The following ENPP1 variants were observed in gnomAD, a reference collection of about 807,000 sequenced individuals.
The protein encoded by ENPP1 is ectonucleotide pyrophosphatase/phosphodiesterase 1, also known as ectonucleotide pyrophosphatase/phosphodiesterase family member 1.
In ENPP1, 73 loss-of-function variants were observed where a neutral mutation model predicts 122.8. That is an observed-to-expected ratio of 0.59 (90% CI 0.49 to 0.72). The LOEUF is 0.72. Among genes scored for constraint, ENPP1 ranks in the 30% least tolerant of loss-of-function variants. The pLI is 0.00. For missense variants in ENPP1, 978 were observed against 1,128.1 expected, an observed-to-expected ratio of 0.87 and a Z score of 1.91; for synonymous variants, 367 against 391.6, an observed-to-expected ratio of 0.94 and a Z score of 0.74.
At chr6:131,883,939 A>G (rs990229309) in intron 22 of ENPP1, among the ~76,000 whole-genome samples, 165 bp downstream of exon 22, 3 of 152,216 alleles carry the variant, frequency 2.0e-5, no homozygotes, top group Non-Finnish European at 2.9e-5. Flanking sequence ...TCTACAAATT[A>G]TTAGAATTAT....
chr6:131,889,967 A>C lies in ENPP1; in HGVS notation c.2608-374A>C, dbSNP rs190822279. Among the ~76,000 whole-genome samples the C allele has an allele frequency of 1.1e-3, 160 of 150,002 alleles. 1 individual carries two copies. Among genetic ancestry groups the C allele is most frequent in the African/African-American group, 3.4e-3 (141 of 41,416 alleles). On this transcript the variant is annotated intron_variant, in intron 24 of 24. Transcript: ENST00000647893. ...ACTAGCTAGCGTCTGTTGTTTTTTGACTTTTTAATAATAGGCATTCTGAGT... is the reference window on the plus strand; with the variant it reads ...ACTAGCTAGCGTCTGTTGTTTTTTGCCTTTTTAATAATAGGCATTCTGAGT...
At chr6:131,821,282 G>T (rs1490996183) in intron 1 of ENPP1, among the ~76,000 whole-genome samples, 1 of 152,180 alleles carries the variant, frequency 6.6e-6, no homozygotes, top group South Asian at 2.1e-4. Context: ...ACCACATCTG[G>T]AATTTCTGTA....
chr6:131,831,114 C>CAATA (rs1781604940), intron 1 of ENPP1, among the ~76,000 whole-genome samples: 2 of 60,018 alleles, frequency 3.3e-5, no homozygotes, highest in African/African-American at 1.3e-4. Context: ...GCCCATCTCT[C>CAATA]AAAAAAAAAA....
intron 9 of ENPP1, 107 bp from the exon 10 acceptor site, chr6:131,864,399 C>G: frequency 1.4e-6 from 1 of 732,836 alleles, no homozygotes; most frequent in South Asian, 1.6e-5. Flanking sequence ...ACAATAGATG[C>G]GAAATAGCAT....
intron 11 of ENPP1, among the ~76,000 whole-genome samples, chr6:131,866,361 A>G (rs59610382): frequency 0.048 from 7,333 of 152,296 alleles, 265 homozygotes; most frequent in African/African-American, 0.1. Flanking sequence ...CGTTCAGACT[A>G]AAGCCTGGCC....
chr6:131,878,437 A>G, intron 18 of ENPP1, 105 bp from the exon 19 acceptor site: 2 of 767,630 alleles, frequency 2.6e-6, no homozygotes, highest in Non-Finnish European at 2.3e-6. Context: ...ACTATCATAA[A>G]TGATCTTTGT....
chr6:131,830,667 T>C (rs752001316), intron 1 of ENPP1, among the ~76,000 whole-genome samples: 2 of 152,234 alleles, frequency 1.3e-5, no homozygotes, highest in Non-Finnish European at 2.9e-5. Context: ...AATTAAAATA[T>C]GTATATTTTA....
intron 13 of ENPP1, among the ~76,000 whole-genome samples, chr6:131,870,067 T>C (rs148722228): frequency 6.6e-6 from 1 of 152,244 alleles, no homozygotes; most frequent in East Asian, 1.9e-4. Context: ...CAATTTTATG[T>C]TGAAGTGTGT....
chr6:131,881,333 T>C (rs1301737929), intron 20 of ENPP1, among the ~76,000 whole-genome samples: 1 of 152,184 alleles, frequency 6.6e-6, no homozygotes, highest in African/African-American at 2.4e-5. Context: ...TTTTTGACTT[T>C]GTAATTGATC....
intron 1 of ENPP1, among the ~76,000 whole-genome samples, chr6:131,845,644 A>G (rs1447301621): frequency 6.6e-6 from 1 of 151,694 alleles, no homozygotes; most frequent in Non-Finnish European, 1.5e-5. Flanking sequence ...TTTTTAGTAG[A>G]GATGGGGTTT....
At position 131,885,206 on chromosome 6, in the gene ENPP1, C is replaced by T. The variant is rs1057488313; in HGVS notation, c.2444+143C>T. 1.4e-4 allele frequency: 101 copies of T among 722,798 alleles called. 1 individual carries two copies. Among genetic ancestry groups the T allele is most frequent in the Non-Finnish European group, 3.3e-5 (14 of 427,590 alleles). The allele number at this position is 722,798 out of a possible 1,614,324, so 44.8% of individuals were successfully genotyped here. A position where few individuals can be genotyped will look rare whatever the true frequency, so the allele number is the denominator to read the frequency against. On this transcript the variant is annotated intron_variant, in intron 23 of 24. Coordinates refer to ENST00000647893, the MANE Select transcript of ENPP1 (RefSeq NM_006208.3). ...ACACTTCTGACTACACAGGAAGCCT[C>T]TTGAAATATCTGATTAATTTTGATG...
chr6:131,873,887 A>C (rs962117820), intron 15 of ENPP1, among the ~76,000 whole-genome samples: 3 of 152,118 alleles, frequency 2.0e-5, no homozygotes, highest in Non-Finnish European at 2.9e-5. Flanking sequence ...TAAATATCTA[A>C]ACACCATGTT....
rs1782470240 is a variant in ENPP1, at chr6:131,891,587, A to C, written c.*1076A>C. The C allele has an allele frequency of 6.6e-6, 1 of 152,078 alleles. No individual in the cohort carries two copies. The allele number at this position is 152,078 out of a possible 1,614,324, so 9.4% of individuals were successfully genotyped here. ...CTGTGAACCTTCAAAGACTGCATTA[A>C]CTTTTAGGCTACATAGGTCCAATTG... is the stretch of plus-strand genomic sequence containing the variant. On this transcript the variant is annotated 3_prime_UTR_variant, in exon 25 of 25. Coordinates refer to ENST00000647893, the MANE Select transcript of ENPP1 (RefSeq NM_006208.3).
intron 5 of ENPP1, among the ~76,000 whole-genome samples, chr6:131,853,434 G>A (rs1467914118): frequency 6.6e-6 from 1 of 152,104 alleles, no homozygotes; most frequent in Non-Finnish European, 1.5e-5. Flanking sequence ...TTCTTTACAA[G>A]AAGATTGTAA....
intron 1 of ENPP1, among the ~76,000 whole-genome samples, chr6:131,846,635 T>A (rs1477083532): frequency 6.6e-6 from 1 of 152,240 alleles, no homozygotes; most frequent in Non-Finnish European, 1.5e-5. Context: ...GGGCCACTGA[T>A]GTGCTGTTTT....
intron 1 of ENPP1, among the ~76,000 whole-genome samples, chr6:131,825,643 T>C (rs1267856495): frequency 1.3e-5 from 2 of 152,182 alleles, no homozygotes; most frequent in Non-Finnish European, 2.9e-5. Context: ...TTAACAATGA[T>C]GAAAATGTAC....
chr6:131,857,679 T>C (rs1338293139), intron 6 of ENPP1, among the ~76,000 whole-genome samples: 13 of 152,186 alleles, frequency 8.5e-5, no homozygotes, highest in African/African-American at 2.4e-4. Flanking sequence ...AGCGATAGCA[T>C]TGGGAGATAT....
chr6:131,890,354 A>T lies in ENPP1; in HGVS notation c.2621A>T (p.Asp874Val), dbSNP rs765752730. The T allele has an allele frequency of 1.2e-6, 2 of 1,613,508 alleles. No homozygotes were observed. Among genetic ancestry groups the T allele is most frequent in the African/African-American group, 2.7e-5 (2 of 74,984 alleles). Residue 874 changes from aspartate (D) to valine (V), a missense_variant, in exon 25 of 25, where the codon GAC becomes GTC. Physicochemically the swap from Asp to Val is radical, Grantham distance 152. Around this residue, in one of 3 missense-constraint regions of ENPP1, gnomAD observed 644 missense variants for 781.5 expected, o/e 0.82. Coordinates refer to ENST00000647893, the MANE Select transcript of ENPP1 (RefSeq NM_006208.3). The stretch of plus-strand genomic sequence containing the variant: ...CTATTCTCCTAGCATGGGAAGCATG[A>T]CTCCTCATGGGTTGAAGAATTGTTA... ...NSESCVHGKH[D>V]SSWVEELLML... is the part of the protein sequence containing the mutation.
chr6:131,828,061 C>T (rs1781566801), intron 1 of ENPP1: 10 of 646,402 alleles, frequency 1.5e-5, no homozygotes, highest in East Asian at 3.6e-5. Flanking sequence ...AGGGGAAGAA[C>T]GTTGCAAACC....
Sources: allele counts gnomAD v4.1 joint callset (sites outside exome capture counted in the v4.1 genomes callset), GRCh38; gene constraint gnomAD v4.1.1; regional missense constraint gnomAD v4.1.1; transcripts MANE v1.5; gene names NCBI Gene and HGNC (gene_info 2026-07-23, HGNC 2026-07-21).